Variants in NAGK observed in about 807,000 individuals in gnomAD.
NAGK encodes N-acetyl-D-glucosamine kinase.
NAGK carries 35 observed loss-of-function variants against 42.9 expected under a neutral mutation model. The ratio of observed to expected loss-of-function variants is 0.82; its 90% confidence interval spans 0.62 to 1.08. NAGK has a LOEUF of 1.08. NAGK is among the 50% of genes least tolerant of loss of function. The pLI, the probability that NAGK is intolerant of heterozygous loss-of-function variation, is 0.00. For synonymous variants in NAGK, 172 were observed against 176.0 expected (o/e 0.98, Z 0.18); for missense variants, 446 against 446.0 (o/e 1.00, Z 0.00).
Position 71,071,820 on chromosome 2 carries a change from A to G in NAGK, c.348A>G (p.Thr116=). Residue 116 remains threonine, a synonymous_variant, in exon 4 of 10, where the codon ACA becomes ACG. Transcript: ENST00000244204. ...CCGCCGGCTCCATCGCCACAGCTAC[A>G]CCGGATGGTGAGGAAGTGGAGGGAG... The part of the protein sequence containing the change: ...TDAAGSIATA[T]PDGGVVLISG... The G allele has an allele frequency of 6.2e-7, 1 of 1,614,012 alleles. No individual in the cohort carries two copies. The highest frequency in any genetic ancestry group is 8.5e-7 in the Non-Finnish European group (1 of 1,179,970).
At chr2:71,073,029 G>A (rs1212227646) in intron 5 of NAGK, 2 of 496,122 alleles carry the variant, frequency 4.0e-6, no homozygotes, top group African/African-American at 1.9e-5. Flanking sequence ...CCTTAGGGAG[G>A]AGTTGAAACT....
chr2:71,070,662 G>C, intron 2 of NAGK, 76 bp downstream of exon 2: 1 of 1,604,882 alleles, frequency 6.2e-7, no homozygotes. Context: ...GGTGGTGGCT[G>C]GGACTCACAG....
At chr2:71,071,587 G>T (rs1572976442) in intron 3 of NAGK, 99 bp from the exon 4 acceptor site, 13 of 1,467,120 alleles carry the variant, frequency 8.9e-6, no homozygotes, top group Non-Finnish European at 1.1e-5. Context: ...GGTATGGCCA[G>T]ATGGGGAGAA....
intron 6 of NAGK, among the ~76,000 whole-genome samples, chr2:71,074,389 G>A (rs1177860366): frequency 6.6e-6 from 1 of 152,170 alleles, no homozygotes; most frequent in African/African-American, 2.4e-5. Flanking sequence ...ACCAGGAAGA[G>A]AAATCACTTG....
chr2:71,073,112 C>A, intron 5 of NAGK: 1 of 453,958 alleles, frequency 2.2e-6, no homozygotes, highest in East Asian at 4.6e-5. Flanking sequence ...GCCCTTCCAA[C>A]ATCACCTCTC....
upstream of NAGK, chr2:71,068,437 G>C (rs528273867): frequency 2.2e-6 from 3 of 1,349,304 alleles, no homozygotes; most frequent in Non-Finnish European, 2.9e-6. Flanking sequence ...CCAGGAGGAC[G>C]GGAGGGGCCG....
In NAGK at chr2:71,072,629, C is replaced by G. The variant is rs1572977995; in HGVS notation, c.356-12C>G. The G allele has an allele frequency of 6.2e-7, 1 of 1,609,832 alleles. No individual in the cohort carries two copies. The highest frequency in any genetic ancestry group is 8.5e-7 in the Non-Finnish European group (1 of 1,176,270). On this transcript the variant is annotated splice_polypyrimidine_tract_variant and intron_variant, in intron 4 of 9. Coordinates refer to ENST00000244204, the MANE Select transcript of NAGK (RefSeq NM_017567.6). ...CCTCGGCCACACTGAGCCTCCTATTCCCTTTCCCCAGGTGGAGTTGTGCTC... is the reference window on the plus strand; with the variant it reads ...CCTCGGCCACACTGAGCCTCCTATTGCCTTTCCCCAGGTGGAGTTGTGCTC...
At chr2:71,078,260 G>A (rs2103725743) in intron 9 of NAGK, 58 bp from the exon 10 acceptor site, 3 of 1,547,714 alleles carry the variant, frequency 1.9e-6, no homozygotes, top group Non-Finnish European at 2.7e-6. Flanking sequence ...CTTCCTTCCT[G>A]GCCCCAGTAC....
At chr2:71,068,857 G>A in intron 1 of NAGK, 145 bp downstream of exon 1, 11 of 1,377,080 alleles carry the variant, frequency 8.0e-6, no homozygotes, top group Admixed American at 3.9e-5. Flanking sequence ...TGCACGCGCA[G>A]GGGCGCCCTG....
intron 8 of NAGK, 105 bp from the exon 9 acceptor site, chr2:71,077,453 G>C: frequency 9.1e-7 from 1 of 1,093,340 alleles, no homozygotes; most frequent in Admixed American, 2.1e-5. Flanking sequence ...TTCTTGGCTT[G>C]AGGGCGAGTA....
upstream of NAGK, chr2:71,068,565 G>A (rs749633049): frequency 1.2e-4 from 177 of 1,515,986 alleles, 1 homozygote; most frequent in Middle Eastern, 2.1e-4. Flanking sequence ...CGCACAGGGA[G>A]TCAGCTGGCT....
chr2:71,068,630 T>G, upstream of NAGK: 2 of 1,520,936 alleles, frequency 1.3e-6, no homozygotes, highest in South Asian at 1.2e-5. Context: ...GGGAAGGAGG[T>G]GTCAGGCGGG....
In NAGK at chr2:71,071,622, C is replaced by T. The variant is rs755940216; in HGVS notation, c.214-64C>T. 5.2e-5 allele frequency: 80 copies of T among 1,525,142 alleles called. 1 individual carries two copies. The highest frequency in any genetic ancestry group is 3.7e-4 in the African/African-American group (27 of 72,554). 94.5% of individuals were successfully genotyped at this position (1,525,142 alleles called of 1,614,324 possible). ...ACAGGAATCAGGCATCAGGAGGGGG[C>T]GGGGGTTGAGAAAAGAGCTGGGGCT... On this transcript the variant is annotated intron_variant, in intron 3 of 9. Transcript: ENST00000244204.
chr2:71,074,664 C>T (rs1422299364), intron 6 of NAGK: 2 of 152,254 alleles, frequency 1.3e-5, no homozygotes, highest in Admixed American at 1.3e-4. Context: ...CCTGTAATCC[C>T]AGCACTTTGA....
intron 8 of NAGK, 84 bp downstream of exon 8, chr2:71,076,785 C>T (rs541791926): frequency 1.8e-6 from 2 of 1,112,486 alleles, no homozygotes; most frequent in Non-Finnish European, 2.7e-6. Context: ...TCCCATCAAA[C>T]CCTGCATAGA....
chr2:71,069,574 C>G (rs1397463018), intron 1 of NAGK: 1 of 152,572 alleles, frequency 6.6e-6, no homozygotes, highest in African/African-American at 2.4e-5. Context: ...TCTTTCCCAT[C>G]CTGTATTTGT....
At chr2:71,072,345 A>G in intron 4 of NAGK, 1 of 414,944 alleles carries the variant, frequency 2.4e-6, no homozygotes, top group Non-Finnish European at 4.5e-6. Context: ...CAATCCCAGT[A>G]AAGCAGGTAG....
intron 1 of NAGK, 50 bp from the exon 2 acceptor site, chr2:71,070,448 GCTCT>G: frequency 1.3e-6 from 2 of 1,495,932 alleles, no homozygotes; most frequent in South Asian, 1.1e-5. Context: ...CACAAGCTTA[GCTCT>G]CTCTGTGGGT....
chr2:71,078,254 C>T (rs1354575549), intron 9 of NAGK, 64 bp from the exon 10 acceptor site: 3 of 1,534,066 alleles, frequency 2.0e-6, no homozygotes, highest in Admixed American at 1.7e-5. Flanking sequence ...GTCTGTCTTC[C>T]TTCCTGGCCC....
Sources: allele counts gnomAD v4.1 joint callset (sites outside exome capture counted in the v4.1 genomes callset), GRCh38; gene constraint gnomAD v4.1.1; transcripts MANE v1.5; gene names NCBI Gene and HGNC (gene_info 2026-07-23, HGNC 2026-07-21).